STK10: variants seen among roughly 807,000 people sequenced by gnomAD.
STK10 encodes serine/threonine-protein kinase 10.
Under a neutral mutation model 113.8 loss-of-function variants are expected in STK10, and 78 were observed. The observed-to-expected ratio is 0.69, with a 90% CI of 0.57 to 0.83. The LOEUF (loss-of-function observed/expected upper bound fraction) is 0.83, where lower values mean the gene tolerates loss of function less well. STK10 is among the 40% of genes least tolerant of loss of function. The pLI is 0.00. For missense variants in STK10, 1,109 were observed against 1,280.1 expected (o/e 0.87, Z 2.04); for synonymous variants, 465 against 494.7 (o/e 0.94, Z 0.80).
rs145044620 is a variant in STK10, at chr5:172,055,686, G to A, written c.2428C>T (p.Gln810Ter). 5.7e-6 allele frequency: 9 copies of A among 1,588,106 alleles called. No individual in the cohort carries two copies. The highest frequency in any genetic ancestry group is 4.1e-5 in the African/African-American group (3 of 74,046). Residue 810 changes from glutamine to a stop codon, truncating the protein, a stop_gained, in exon 16 of 19, where the codon CAG becomes TAG. Transcript: ENST00000176763. LOFTEE classifies it high-confidence loss of function. ...QQEKARLPKI[Q>*]RSEGKTRMAM... The stretch of plus-strand genomic sequence containing the variant: ...ATGCGCGTCTTGCCCTCACTCCTCT[G>A]GATCTTGGGCAGCCGCGCCTTTTCC...
chr5:172,045,582 C>G (rs1159249779), intron 18 of STK10: 1 of 370,898 alleles, frequency 2.7e-6, no homozygotes, highest in Non-Finnish European at 5.3e-6. Flanking sequence ...GCCTTCTGTA[C>G]TGTACAAACT....
At chr5:172,079,562 T>A (rs1768385559) in intron 12 of STK10, among the ~76,000 whole-genome samples, 1 of 141,476 alleles carries the variant, frequency 7.1e-6, no homozygotes, top group Admixed American at 6.8e-5. Context: ...TATTTATTTA[T>A]TTATTTATTT....
chr5:172,127,410 C>G lies in STK10; in HGVS notation c.333G>C (p.Glu111Asp). 1.2e-6 allele frequency: 2 copies of G among 1,613,850 alleles called. No individual in the cohort carries two copies. The highest frequency in any genetic ancestry group is 1.7e-6 in the Non-Finnish European group (2 of 1,179,838). Reference sequence around the variant, plus strand: ...CGTCCACGGCTCCCCCTGGACAGAACTCAATCATGATCTGCAGAAAACACA... The same window carrying G: ...CGTCCACGGCTCCCCCTGGACAGAAGTCAATCATGATCTGCAGAAAACACA... ...YHDGKLWIMI[E>D]FCPGGAVDAI... is the part of the protein sequence containing the mutation. The change falls in exon 3 of 19, where the codon GAG becomes GAC. Residue 111 changes from glutamate (E) to aspartate (D), a missense_variant. Coordinates refer to ENST00000176763, the MANE Select transcript of STK10 (RefSeq NM_005990.4).
At chr5:172,085,922 C>A (rs762913594) in intron 10 of STK10, among the ~76,000 whole-genome samples, 26 of 151,968 alleles carry the variant, frequency 1.7e-4, no homozygotes, top group Non-Finnish European at 2.6e-4. Context: ...TCGGAGGGGC[C>A]ATAACTGCTC....
At chr5:172,078,391 C>T (rs1006298754) in intron 12 of STK10, among the ~76,000 whole-genome samples, 6 of 152,272 alleles carry the variant, frequency 3.9e-5, no homozygotes, top group South Asian at 2.1e-4. Flanking sequence ...CAATGGCTCA[C>T]GCCTATAATC....
intron 7 of STK10, among the ~76,000 whole-genome samples, chr5:172,098,364 G>A (rs1387783314): frequency 6.6e-6 from 1 of 152,168 alleles, no homozygotes; most frequent in East Asian, 1.9e-4. Context: ...AATTCAAGCT[G>A]AGACCCAAGG....
At chr5:172,136,989 G>A (rs1454794346) in intron 2 of STK10, among the ~76,000 whole-genome samples, 6 of 100,508 alleles carry the variant, frequency 6.0e-5, no homozygotes, top group African/African-American at 1.9e-4. Context: ...CCCCACCCCC[G>A]AACAGGCCCC....
intron 17 of STK10, among the ~76,000 whole-genome samples, chr5:172,054,097 C>A (rs1469042946): frequency 6.6e-6 from 1 of 152,228 alleles, no homozygotes; most frequent in African/African-American, 2.4e-5. Context: ...CCCGTCCCCA[C>A]AAGGGGGCTT....
At chr5:172,046,639 A>G (rs753798304) in intron 18 of STK10, among the ~76,000 whole-genome samples, 5 of 152,158 alleles carry the variant, frequency 3.3e-5, no homozygotes, top group East Asian at 1.9e-4. Context: ...ATATTTCTCA[A>G]TACAACCTTC....
In STK10 at chr5:172,127,278, G is replaced by T. The variant is rs141178540; in HGVS notation, c.370+95C>A. 5.5e-4 allele frequency: 749 copies of T among 1,358,048 alleles called. 7 individuals carry two copies. In the African/African-American group the frequency reaches 9.4e-3, roughly 17 times the overall value. 84.1% of individuals were successfully genotyped at this position (1,358,048 alleles called of 1,614,324 possible). On this transcript the variant is annotated intron_variant, in intron 3 of 18. Coordinates refer to ENST00000176763, the MANE Select transcript of STK10 (RefSeq NM_005990.4). ...GGAACTGATGGAATGGGAGAGTGGA[G>T]GTCCCAGTCCTAGACAGAGCTGTCC...
chr5:172,083,682 A>T (rs1360697417), intron 10 of STK10, among the ~76,000 whole-genome samples: 4 of 151,950 alleles, frequency 2.6e-5, no homozygotes, highest in Non-Finnish European at 4.4e-5. Flanking sequence ...CCAAAGCAGA[A>T]GAATCACCTG....
At chr5:172,055,550 C>G in intron 16 of STK10, 38 bp downstream of exon 16, 2 of 1,409,120 alleles carry the variant, frequency 1.4e-6, no homozygotes, top group Non-Finnish European at 1.9e-6. Flanking sequence ...CTGCCTACAC[C>G]CCAGCACACT....
rs187520764 is a variant in STK10, at chr5:172,120,673, G to T, written c.371-3043C>A. ...TATAATCGACATAGGCAGGGCTCCAGCCATCAGCCATGTTCAGTTCTCAGT... is the reference window on the plus strand; with the variant it reads ...TATAATCGACATAGGCAGGGCTCCATCCATCAGCCATGTTCAGTTCTCAGT... On this transcript the variant is annotated intron_variant, in intron 3 of 18. Coordinates refer to ENST00000176763, the MANE Select transcript of STK10 (RefSeq NM_005990.4). This position sits in a 1 kb window ranked among gnomAD's most constrained non-coding sequence, Gnocchi z 4.0. 3.0e-4 allele frequency among the ~76,000 whole-genome samples: 46 copies of T among 152,288 alleles called. No individual in the cohort carries two copies. The highest frequency in any genetic ancestry group is 4.4e-5 in the Non-Finnish European group (3 of 68,022).
intron 3 of STK10, among the ~76,000 whole-genome samples, chr5:172,121,307 A>G (rs1009579733): frequency 4.0e-5 from 6 of 151,794 alleles, no homozygotes; most frequent in African/African-American, 1.5e-4. Flanking sequence ...CTGGGATTAT[A>G]TGCATGAGCC....
At chr5:172,111,292 C>T (rs2113770353) in intron 4 of STK10, among the ~76,000 whole-genome samples, 1 of 152,262 alleles carries the variant, frequency 6.6e-6, no homozygotes, top group Non-Finnish European at 1.5e-5. Context: ...GACTGCCTCT[C>T]AGGCCCAGGG....
intron 4 of STK10, among the ~76,000 whole-genome samples, chr5:172,115,852 C>G (rs1769372602): frequency 6.6e-6 from 1 of 152,166 alleles, no homozygotes; most frequent in Non-Finnish European, 1.5e-5. Context: ...GGCCCCCAGC[C>G]TGCTGGTAGC....
intron 4 of STK10, among the ~76,000 whole-genome samples, chr5:172,108,502 G>C (rs1769165359): frequency 6.6e-6 from 1 of 151,176 alleles, no homozygotes; most frequent in Admixed American, 6.6e-5. Context: ...TGTAATCCCA[G>C]ATACTTGGGG....
chr5:172,059,434 CAAAAAAAAAAAA>C (rs58446505), intron 14 of STK10, among the ~76,000 whole-genome samples: 382 of 57,020 alleles, frequency 6.7e-3, no homozygotes, highest in Non-Finnish European at 0.011. Flanking sequence ...CTCTCCATCT[CAAAAAAAAAAAA>C]AAAAAAAAAA....
intron 17 of STK10, among the ~76,000 whole-genome samples, chr5:172,053,740 G>A (rs1767683870): frequency 6.6e-6 from 1 of 152,246 alleles, no homozygotes; most frequent in African/African-American, 2.4e-5. Context: ...TCCTTTGGGA[G>A]ATTTTCATTT....
Sources: allele counts gnomAD v4.1 joint callset (sites outside exome capture counted in the v4.1 genomes callset), GRCh38; gene constraint gnomAD v4.1.1; non-coding constraint Gnocchi (gnomAD v3.1); transcripts MANE v1.5; gene names NCBI Gene and HGNC (gene_info 2026-07-23, HGNC 2026-07-21).